The following MACROD2 variants were observed in gnomAD, a reference collection of about 807,000 sequenced individuals.
MACROD2 encodes ADP-ribose glycohydrolase MACROD2.
MACROD2 carries 36 observed loss-of-function variants against 70.4 expected under a neutral mutation model. The observed-to-expected ratio is 0.51, with a 90% CI of 0.39 to 0.68. MACROD2 has a LOEUF of 0.68. Among genes scored for constraint, MACROD2 ranks in the 30% least tolerant of loss-of-function variants. MACROD2 has a pLI of 0.00. For missense variants in MACROD2, 496 were observed against 538.4 expected, an observed-to-expected ratio of 0.92 and a Z score of 0.78; for synonymous variants, 172 against 178.8, an observed-to-expected ratio of 0.96 and a Z score of 0.30.
intron 6 of MACROD2, among the ~76,000 whole-genome samples, chr20:15,359,979 T>A (rs750221354): frequency 2.0e-5 from 3 of 152,170 alleles, no homozygotes; most frequent in Non-Finnish European, 2.9e-5. Context: ...ACCTACCTCA[T>A]GCTACCCATT....
intron 13 of MACROD2, among the ~76,000 whole-genome samples, chr20:15,985,191 A>T (rs375056063): frequency 6.6e-6 from 1 of 152,168 alleles, no homozygotes; most frequent in East Asian, 1.9e-4. Context: ...GCTTACTTAC[A>T]CCGGACCTGT....
intron 7 of MACROD2, among the ~76,000 whole-genome samples, chr20:15,461,687 C>A (rs2046821046): frequency 6.6e-6 from 1 of 152,128 alleles, no homozygotes; most frequent in Admixed American, 6.5e-5. Context: ...TTCTGCAAAA[C>A]TTCTCATTGT....
chr20:14,218,174 T>C (rs2081640004), intron 3 of MACROD2, among the ~76,000 whole-genome samples: 1 of 152,214 alleles, frequency 6.6e-6, no homozygotes, highest in Non-Finnish European at 1.5e-5. Flanking sequence ...TTAGTAATTG[T>C]CTTATAAATT....
chr20:15,461,006 A>ATATATATTTTTTT lies in MACROD2; in HGVS notation c.571+29572_571+29573insATATATTTTTTTT. On this transcript the variant is annotated intron_variant, in intron 7 of 17. Coordinates refer to ENST00000684519, the MANE Select transcript of MACROD2 (RefSeq NM_001351661.2). ...TATATATATATATATATATATATAT[A>ATATATATTTTTTT]TTTTTTTTTAATAGATGGGGTCTTG... 1.6e-3 allele frequency among the ~76,000 whole-genome samples: 108 copies of ATATATATTTTTTT among 66,992 alleles called. 2 individuals carry two copies. Among genetic ancestry groups the ATATATATTTTTTT allele is most frequent in the African/African-American group, 4.3e-3 (102 of 23,698 alleles). The allele number at this position is 66,992 out of a possible 152,430, so 43.9% of individuals were successfully genotyped here.
chr20:16,009,180 C>T (rs1011831729), intron 15 of MACROD2, among the ~76,000 whole-genome samples: 1 of 152,154 alleles, frequency 6.6e-6, no homozygotes, highest in Non-Finnish European at 1.5e-5. Context: ...GAAGAAAACA[C>T]GAATGGAGGT....
intron 8 of MACROD2, among the ~76,000 whole-genome samples, chr20:15,804,560 T>C (rs193109767): frequency 1.1e-3 from 166 of 152,326 alleles, no homozygotes; most frequent in African/African-American, 4.0e-3. Flanking sequence ...AAAAACGTTT[T>C]AGAGCATGTG....
chr20:14,033,666 A>G (rs981217295), intron 2 of MACROD2, among the ~76,000 whole-genome samples: 3 of 152,226 alleles, frequency 2.0e-5, no homozygotes, highest in Admixed American at 6.5e-5. Flanking sequence ...ATGAAATACA[A>G]GTCTTTCTTT....
At chr20:14,365,948 T>C (rs1600165319) in intron 3 of MACROD2, among the ~76,000 whole-genome samples, 1 of 152,234 alleles carries the variant, frequency 6.6e-6, no homozygotes, top group Admixed American at 6.5e-5. Context: ...GCTTCATTTA[T>C]TGTGGTTGAG....
intron 5 of MACROD2, among the ~76,000 whole-genome samples, chr20:15,152,415 A>G (rs1222224337): frequency 8.6e-6 from 1 of 116,698 alleles, no homozygotes; most frequent in South Asian, 3.0e-4. Flanking sequence ...GGTTTGGGGC[A>G]TGGAAATAAG....
At chr20:16,017,468 T>G (rs1314141370) in intron 15 of MACROD2, among the ~76,000 whole-genome samples, 2 of 152,230 alleles carry the variant, frequency 1.3e-5, no homozygotes, top group African/African-American at 4.8e-5. Flanking sequence ...ATGTGGTCTT[T>G]GCAGAACTGG....
At chr20:16,041,532 T>C (rs1184406401) in intron 16 of MACROD2, among the ~76,000 whole-genome samples, 1 of 151,982 alleles carries the variant, frequency 6.6e-6, no homozygotes, top group Non-Finnish European at 1.5e-5. Context: ...GAGGACTCAA[T>C]AGATACTTTC....
intron 6 of MACROD2, among the ~76,000 whole-genome samples, chr20:15,430,624 T>G (rs958987486): frequency 6.6e-6 from 1 of 152,012 alleles, no homozygotes; most frequent in African/African-American, 2.4e-5. Context: ...TCAAATTCTC[T>G]GAACACTGCT....
intron 4 of MACROD2, among the ~76,000 whole-genome samples, chr20:14,664,419 G>C (rs1375717505): frequency 6.6e-6 from 1 of 152,100 alleles, no homozygotes; most frequent in African/African-American, 2.4e-5. Context: ...CATTCTCTTT[G>C]AAAGAGAAAG....
intron 3 of MACROD2, among the ~76,000 whole-genome samples, chr20:14,433,594 C>T (rs368846330): frequency 5.9e-4 from 90 of 152,108 alleles, no homozygotes; most frequent in African/African-American, 2.1e-3. Context: ...TTAAACAGTG[C>T]AACCATCTTC....
chr20:14,343,039 G>A (rs1339341250), intron 3 of MACROD2, among the ~76,000 whole-genome samples: 1 of 152,036 alleles, frequency 6.6e-6, no homozygotes, highest in East Asian at 1.9e-4. Context: ...TTCAGAATAA[G>A]CTAGTAAAAG....
intron 5 of MACROD2, among the ~76,000 whole-genome samples, chr20:14,768,584 A>T (rs1182790630): frequency 6.6e-6 from 1 of 151,772 alleles, no homozygotes; most frequent in Non-Finnish European, 1.5e-5. Context: ...CTTCCAAAGC[A>T]CTGGGATTAC....
At chr20:15,084,698 A>G (rs1026601641) in intron 5 of MACROD2, among the ~76,000 whole-genome samples, 2 of 152,106 alleles carry the variant, frequency 1.3e-5, no homozygotes. Context: ...GATGTGGAAA[A>G]AAGTTATTTT....
At position 15,659,606 on chromosome 20, in the gene MACROD2, T is replaced by C. The variant is rs116031430; in HGVS notation, c.645+159759T>C. On this transcript the variant is annotated intron_variant, in intron 8 of 17. Transcript: ENST00000684519. ...TAATGTCTGGAGATATTTTTGTTTT[T>C]CACATTAGGGGGTAAGACACTACTC... 8.4e-3 allele frequency among the ~76,000 whole-genome samples: 1,283 copies of C among 152,148 alleles called. 12 individuals carry two copies. The highest frequency in any genetic ancestry group is 0.041 in the Middle Eastern group (12 of 294).
intron 12 of MACROD2, among the ~76,000 whole-genome samples, chr20:15,941,500 A>G (rs1413371558): frequency 6.6e-6 from 1 of 152,190 alleles, no homozygotes; most frequent in Non-Finnish European, 1.5e-5. Context: ...CTTAGAAAAA[A>G]AAAATCCGTT....
Sources: gnomAD v4.1 joint callset for allele counts (sites outside exome capture counted in the v4.1 genomes callset) on GRCh38, gnomAD v4.1.1 for gene constraint, MANE v1.5 for transcripts, NCBI Gene and HGNC (gene_info 2026-07-23, HGNC 2026-07-21) for gene names.